ARFIP1: variants seen among roughly 807,000 people sequenced by gnomAD.
The protein encoded by ARFIP1 is arfaptin-1.
ARFIP1 carries 24 observed loss-of-function variants against 42.5 expected under a neutral mutation model. The observed-to-expected ratio is 0.57, with a 90% CI of 0.41 to 0.80. ARFIP1 has a LOEUF of 0.80. Ranked by LOEUF, ARFIP1 falls within the 30% of genes least tolerant of loss-of-function variation. ARFIP1 has a pLI of 0.00. For synonymous variants in ARFIP1, 141 were observed against 153.7 expected, an observed-to-expected ratio of 0.92 and a Z score of 0.61; for missense variants, 354 against 434.0, an observed-to-expected ratio of 0.82 and a Z score of 1.64.
At chr4:152,880,782 A>G (rs189749306) in intron 5 of ARFIP1, among the ~76,000 whole-genome samples, 181 bp from the exon 6 acceptor site, 25 of 152,314 alleles carry the variant, frequency 1.6e-4, no homozygotes, top group African/African-American at 6.0e-4. Flanking sequence ...TTGATTAGTA[A>G]TAATTATTAG....
chr4:152,875,194 A>G (rs1371715602), intron 5 of ARFIP1, among the ~76,000 whole-genome samples: 1 of 152,140 alleles, frequency 6.6e-6, no homozygotes. Flanking sequence ...CATTGAACCT[A>G]TCTTCTTAAA....
intron 1 of ARFIP1, among the ~76,000 whole-genome samples, chr4:152,804,165 A>ATATAAGATGTATTATATATTATATAT (rs1728706486): frequency 8.7e-6 from 1 of 115,168 alleles, no homozygotes; most frequent in Non-Finnish European, 1.7e-5. Context: ...ATTATATATA[A>ATATAAGATGTATTATATATTATATAT]TATAACATGT....
At position 152,829,629 on chromosome 4, in the gene ARFIP1, C is replaced by CT; in HGVS notation, c.-4dup. On this transcript the variant is annotated 5_prime_UTR_variant, in exon 2 of 9. Coordinates refer to ENST00000353617, the MANE Select transcript of ARFIP1 (RefSeq NM_001025595.3). ...TTTTTTCTTCTTTTGTTTTAGGAGT[C>CT]TACCATGGCTCAAGAATCTCCCAAA... 8 of 1,607,758 alleles carry CT rather than the reference C, an allele frequency of 5.0e-6. No homozygotes were observed. The highest frequency in any genetic ancestry group is 6.8e-6 in the Non-Finnish European group (8 of 1,176,978).
chr4:152,889,038 C>T (rs879649994), intron 8 of ARFIP1, among the ~76,000 whole-genome samples: 14 of 152,284 alleles, frequency 9.2e-5, no homozygotes, highest in Non-Finnish European at 1.6e-4. Flanking sequence ...AGATGGGTCT[C>T]ACCATTGCAC....
intron 2 of ARFIP1, among the ~76,000 whole-genome samples, chr4:152,847,838 C>T (rs1029775081): frequency 6.6e-6 from 1 of 152,168 alleles, no homozygotes; most frequent in Admixed American, 6.5e-5. Flanking sequence ...AAAGACATTG[C>T]CTCCTTAGAC....
intron 1 of ARFIP1, among the ~76,000 whole-genome samples, chr4:152,828,454 T>TATGAC (rs1055292763): frequency 8.5e-5 from 13 of 152,324 alleles, no homozygotes; most frequent in Admixed American, 3.3e-4. Context: ...GCAATTCCCT[T>TATGAC]ATGACATATG....
chr4:152,884,058 C>A lies in ARFIP1; in HGVS notation c.791+1178C>A, dbSNP rs537117197. Among the ~76,000 whole-genome samples the A allele has an allele frequency of 7.6e-4, 116 of 151,784 alleles. 1 individual carries two copies. Among genetic ancestry groups the A allele is most frequent in the Non-Finnish European group, 1.4e-3 (96 of 67,904 alleles). On this transcript the variant is annotated intron_variant, in intron 7 of 8. Transcript: ENST00000353617. ...CTTACACTTCAATTAAGTAAAAGCC[C>A]AAATCATTTTGAAAAGTTAATTTTT... is the stretch of plus-strand genomic sequence containing the variant.
intron 5 of ARFIP1, among the ~76,000 whole-genome samples, chr4:152,874,271 A>G (rs767711886): frequency 1.3e-5 from 2 of 152,238 alleles, no homozygotes; most frequent in Non-Finnish European, 2.9e-5. Context: ...GTTAATGAAA[A>G]TGACAACTCT....
chr4:152,898,097 C>T (rs1242862218), intron 8 of ARFIP1, among the ~76,000 whole-genome samples: 2 of 151,654 alleles, frequency 1.3e-5, no homozygotes, highest in African/African-American at 4.9e-5. Context: ...AATTCTCTGC[C>T]TCAGCCTCCT....
chr4:152,868,127 T>C lies in ARFIP1; in HGVS notation c.203-2626T>C, dbSNP rs540288164. ...ATAACCATCTACTTTTTCATCTATC[T>C]AGAGCAAATTAAAAAGTTATACTTA... On this transcript the variant is annotated intron_variant, in intron 3 of 8. Transcript: ENST00000353617. Among the ~76,000 whole-genome samples, 12 of 152,316 alleles carry C rather than the reference T, an allele frequency of 7.9e-5. No homozygotes were observed. In the South Asian group the frequency reaches 2.3e-3, roughly 29 times the overall value.
intron 2 of ARFIP1, among the ~76,000 whole-genome samples, chr4:152,853,040 T>G (rs1733123523): frequency 6.6e-6 from 1 of 152,228 alleles, no homozygotes; most frequent in South Asian, 2.1e-4. Flanking sequence ...TAGGGAGGGA[T>G]TTGAGTGACT....
chr4:152,879,498 A>G (rs1341577997), intron 5 of ARFIP1, among the ~76,000 whole-genome samples: 1 of 152,194 alleles, frequency 6.6e-6, no homozygotes, highest in African/African-American at 2.4e-5. Flanking sequence ...AATTTTTACC[A>G]CAGACATTAA....
Position 152,872,433 on chromosome 4 carries a change from A to G in ARFIP1, c.299-19A>G, listed in dbSNP as rs757441371. 2.7e-6 allele frequency: 4 copies of G among 1,505,462 alleles called. No individual in the cohort carries two copies. Among genetic ancestry groups the G allele is most frequent in the South Asian group, 2.3e-5 (2 of 86,658 alleles). 93.3% of individuals were successfully genotyped at this position (1,505,462 alleles called of 1,614,324 possible). ...TTGTCTTCATCTGGATTGTGTTTTTATCTTTTGTTATCTTGCAGGTGGCCA... is the reference window on the plus strand; with the variant it reads ...TTGTCTTCATCTGGATTGTGTTTTTGTCTTTTGTTATCTTGCAGGTGGCCA... On this transcript the variant is annotated intron_variant, in intron 4 of 8. Transcript: ENST00000353617.
chr4:152,798,378 A>G (rs1292415235), intron 1 of ARFIP1, among the ~76,000 whole-genome samples: 1 of 152,158 alleles, frequency 6.6e-6, no homozygotes, highest in South Asian at 2.1e-4. Flanking sequence ...ACTAAAATGT[A>G]TATATTTTAT....
chr4:152,885,103 T>C (rs1736155682), intron 7 of ARFIP1, among the ~76,000 whole-genome samples: 2 of 152,094 alleles, frequency 1.3e-5, no homozygotes, highest in African/African-American at 4.8e-5. Context: ...ATGAAATAGC[T>C]GTGGAATTGG....
intron 8 of ARFIP1, among the ~76,000 whole-genome samples, chr4:152,895,636 C>T (rs1334933519): frequency 7.0e-6 from 1 of 142,696 alleles, no homozygotes; most frequent in Non-Finnish European, 1.5e-5. Flanking sequence ...TCATGGCTCA[C>T]TGCAGCCTCT....
intron 8 of ARFIP1, among the ~76,000 whole-genome samples, chr4:152,907,594 C>T (rs903967441): frequency 1.3e-5 from 2 of 152,122 alleles, no homozygotes; most frequent in Non-Finnish European, 2.9e-5. Context: ...ATATCATTCA[C>T]ATATGAATAT....
rs1231262499 is a variant in ARFIP1, at chr4:152,880,991, TA to T, written c.441del (p.Gly148AlafsTer18). On this transcript the variant is annotated frameshift_variant, in exon 6 of 9. Transcript: ENST00000353617. LOFTEE classifies it high-confidence loss of function. The stretch of plus-strand genomic sequence containing the variant: ...ACTCGACAGATTATCTCTGAGAAGC[TA>T]GGCCGTGGCTCAAGAACTGTGGACC... ...KCTRQIISEKLGRGSRTVDLE... is the reference protein window; with the variant it reads ...KCTRQIISEKXGRGSRTVDLE... 6.2e-7 allele frequency: 1 copy of T among 1,613,672 alleles called. No individual in the cohort carries two copies. Among genetic ancestry groups the T allele is most frequent in the African/African-American group, 1.3e-5 (1 of 74,924 alleles).
intron 5 of ARFIP1, among the ~76,000 whole-genome samples, chr4:152,880,389 T>C (rs1335320160): frequency 6.6e-6 from 1 of 152,082 alleles, no homozygotes; most frequent in Non-Finnish European, 1.5e-5. Flanking sequence ...TATTATTATT[T>C]CTGGGGCAGA....
Sources: allele counts gnomAD v4.1 joint callset (sites outside exome capture counted in the v4.1 genomes callset), GRCh38; gene constraint gnomAD v4.1.1; transcripts MANE v1.5; gene names NCBI Gene and HGNC (gene_info 2026-07-23, HGNC 2026-07-21).